The following CAST variants were observed in gnomAD, a reference collection of about 807,000 sequenced individuals.
The protein encoded by CAST is MIR583 host.
In CAST, 76 loss-of-function variants were observed where a neutral mutation model predicts 119.6. That is an observed-to-expected ratio of 0.64 (90% CI 0.53 to 0.77). The LOEUF is 0.77. CAST is among the 30% of genes least tolerant of loss of function. CAST has a pLI of 0.00. For synonymous variants in CAST, 319 were observed against 331.6 expected (o/e 0.96, Z 0.41); for missense variants, 953 against 946.5 (o/e 1.01, Z -0.09).
intron 1 of CAST, among the ~76,000 whole-genome samples, chr5:96,619,625 G>A (rs189833211): frequency 4.3e-4 from 65 of 152,304 alleles, no homozygotes; most frequent in African/African-American, 1.4e-3. Flanking sequence ...AACGCTCACT[G>A]CGAAGGTCTA....
the CAST span, among the ~76,000 whole-genome samples, chr5:96,164,234 T>C: frequency 6.6e-6 from 1 of 152,286 alleles, no homozygotes; most frequent in Middle Eastern, 3.4e-3. Context: ...ATGTTGTACG[T>C]AAAGAAAGAA....
the CAST span, among the ~76,000 whole-genome samples, chr5:96,017,968 T>C: frequency 6.6e-6 from 1 of 152,140 alleles, no homozygotes; most frequent in Admixed American, 6.5e-5. Context: ...GACACCAATA[T>C]AAAAGCCCAG....
the CAST span, among the ~76,000 whole-genome samples, chr5:95,987,412 T>C: frequency 3.3e-5 from 5 of 152,244 alleles, no homozygotes; most frequent in East Asian, 3.9e-4. Context: ...TCAGTCAACC[T>C]GATGATGTTG....
the CAST span, among the ~76,000 whole-genome samples, chr5:96,476,625 C>G: frequency 1.3e-5 from 2 of 152,172 alleles, no homozygotes; most frequent in African/African-American, 4.8e-5. Context: ...AAGCACGTTT[C>G]AAATACACCC....
At chr5:96,341,933 C>T in the CAST span, among the ~76,000 whole-genome samples, 1 of 152,156 alleles carries the variant, frequency 6.6e-6, no homozygotes, top group Non-Finnish European at 1.5e-5. Flanking sequence ...CTTCTCCCAA[C>T]CAAAAATTAC....
the CAST span, among the ~76,000 whole-genome samples, chr5:96,066,852 G>C: frequency 6.6e-6 from 1 of 151,656 alleles, no homozygotes; most frequent in African/African-American, 2.4e-5. Flanking sequence ...TTTTTGTAGA[G>C]ATGGGGTCTT....
intron 1 of CAST, among the ~76,000 whole-genome samples, chr5:96,535,049 G>A (rs1745781349): frequency 6.6e-6 from 1 of 152,142 alleles, no homozygotes; most frequent in Admixed American, 6.5e-5. Flanking sequence ...TTGACTTTCA[G>A]TTTTTAGAAT....
the CAST span, among the ~76,000 whole-genome samples, chr5:96,429,668 C>T: frequency 0.038 from 5,809 of 152,240 alleles, 149 homozygotes; most frequent in Non-Finnish European, 0.06. Flanking sequence ...TACGTGTTCT[C>T]ATCATTTAGC....
At chr5:96,691,236 G>A (rs1409169505) in intron 2 of CAST, among the ~76,000 whole-genome samples, 3 of 152,040 alleles carry the variant, frequency 2.0e-5, no homozygotes, top group Admixed American at 6.6e-5. Context: ...TGAGTGAAAC[G>A]CCCTTATTCA....
At chr5:96,484,090 T>C in the CAST span, among the ~76,000 whole-genome samples, 1 of 152,156 alleles carries the variant, frequency 6.6e-6, no homozygotes, top group Non-Finnish European at 1.5e-5. Context: ...GCCACCTGTT[T>C]AATAAGTCTG....
At chr5:96,009,946 A>G in the CAST span, among the ~76,000 whole-genome samples, 30 of 152,170 alleles carry the variant, frequency 2.0e-4, no homozygotes, top group African/African-American at 5.8e-4. Flanking sequence ...TAAGTCTTCA[A>G]TCTGTCTTGA....
At chr5:96,638,213 C>T (rs1484799296) in intron 1 of CAST, among the ~76,000 whole-genome samples, 1 of 151,886 alleles carries the variant, frequency 6.6e-6, no homozygotes, top group Admixed American at 6.6e-5. Context: ...CAAGGTCAGC[C>T]TGGCCAACAT....
chr5:96,601,443 G>A (rs778156293), intron 1 of CAST, among the ~76,000 whole-genome samples: 6 of 152,142 alleles, frequency 3.9e-5, no homozygotes, highest in South Asian at 2.1e-4. Context: ...AGGTTACTAC[G>A]GAAACAATGG....
chr5:96,107,841 C>T, the CAST span, among the ~76,000 whole-genome samples: 6 of 152,156 alleles, frequency 3.9e-5, no homozygotes, highest in Non-Finnish European at 8.8e-5. Context: ...TTCCATTCTC[C>T]CTGTCACTTT....
At chr5:96,315,260 A>G in the CAST span, among the ~76,000 whole-genome samples, 75 of 152,364 alleles carry the variant, frequency 4.9e-4, 1 homozygote, top group Middle Eastern at 3.4e-3. Context: ...ACATTCTTAT[A>G]ATAATAAAAA....
the CAST span, among the ~76,000 whole-genome samples, chr5:96,436,256 C>G: frequency 1.4e-3 from 217 of 152,168 alleles, no homozygotes; most frequent in Non-Finnish European, 2.4e-3. Flanking sequence ...TAGAAAATAA[C>G]AATATTTGTG....
the CAST span, among the ~76,000 whole-genome samples, chr5:96,010,470 C>T: frequency 2.6e-5 from 4 of 152,116 alleles, no homozygotes; most frequent in South Asian, 2.1e-4. Context: ...CACCACCACA[C>T]CTGGCTAATT....
chr5:96,577,308 A>G lies in CAST; in HGVS notation c.60+47428A>G, dbSNP rs139567607. On this transcript the variant is annotated intron_variant, in intron 1 of 11. Coordinates refer to the CAST transcript ENST00000505143. ...TGTTAGTCTTGGTGGAGGTTTATCA[A>G]TTTTATTAATTTTTTTAAGAATTAG... 3.2e-3 allele frequency among the ~76,000 whole-genome samples: 489 copies of G among 151,970 alleles called. 2 individuals carry two copies. Among genetic ancestry groups the G allele is most frequent in the Middle Eastern group, 0.01 (3 of 294 alleles).
the CAST span, among the ~76,000 whole-genome samples, chr5:96,378,421 A>C: frequency 3.3e-5 from 5 of 152,156 alleles, no homozygotes; most frequent in East Asian, 1.9e-4. Context: ...ATTATTTTAC[A>C]GTGTATATGT....
Sources: allele counts gnomAD v4.1 joint callset (sites outside exome capture counted in the v4.1 genomes callset), GRCh38; gene constraint gnomAD v4.1.1; transcripts MANE v1.5; gene names NCBI Gene and HGNC (gene_info 2026-07-23, HGNC 2026-07-21).